Variants in RABGAP1L observed in about 807,000 individuals in gnomAD.
RABGAP1L encodes rab GTPase-activating protein 1-like.
A neutral mutation model predicts 137.7 loss-of-function variants in RABGAP1L; 63 were observed. The observed-to-expected ratio is 0.46, with a 90% CI of 0.37 to 0.56. RABGAP1L has a LOEUF of 0.56. Among genes scored for constraint, RABGAP1L ranks in the 20% least tolerant of loss-of-function variants. The probability of loss-of-function intolerance (pLI) is 0.00; values close to 1 mark genes in which losing one functional copy is unlikely to be tolerated. For missense variants in RABGAP1L, 1,095 were observed against 1,244.0 expected, an observed-to-expected ratio of 0.88 and a Z score of 1.80; for synonymous variants, 431 against 433.7, an observed-to-expected ratio of 0.99 and a Z score of 0.08.
intron 13 of RABGAP1L, among the ~76,000 whole-genome samples, chr1:174,431,895 T>C (rs1184226889): frequency 6.6e-6 from 1 of 152,206 alleles, no homozygotes; most frequent in East Asian, 1.9e-4. Flanking sequence ...AGATGCCTAA[T>C]GTAATAGAGT....
chr1:174,673,167 C>A (rs1677314940), intron 14 of RABGAP1L, among the ~76,000 whole-genome samples: 1 of 151,954 alleles, frequency 6.6e-6, no homozygotes, highest in Admixed American at 6.5e-5. Flanking sequence ...TCAAATATAA[C>A]TATATAAATT....
chr1:174,320,818 T>C (rs1487809093), intron 11 of RABGAP1L, among the ~76,000 whole-genome samples: 3 of 152,158 alleles, frequency 2.0e-5, no homozygotes, highest in Admixed American at 2.0e-4. Flanking sequence ...TTGTGTTAAC[T>C]GCACAAACTG....
intron 10 of RABGAP1L, among the ~76,000 whole-genome samples, chr1:174,290,199 T>A (rs71643196): frequency 7.2e-5 from 11 of 152,220 alleles, no homozygotes; most frequent in African/African-American, 2.4e-4. Context: ...CCTGGGCTCC[T>A]TGTCAGGTGA....
At chr1:174,917,021 T>G (rs1573814520) in intron 19 of RABGAP1L, among the ~76,000 whole-genome samples, 1 of 152,218 alleles carries the variant, frequency 6.6e-6, no homozygotes, top group African/African-American at 2.4e-5. Flanking sequence ...TTTCCTGGCT[T>G]GCAGATAGCC....
intron 13 of RABGAP1L, among the ~76,000 whole-genome samples, chr1:174,461,314 G>A (rs1382189466): frequency 6.6e-6 from 1 of 152,130 alleles, no homozygotes; most frequent in Non-Finnish European, 1.5e-5. Context: ...CCCCAGGCCT[G>A]GTATTGATAC....
At chr1:174,877,275 C>A in intron 19 of RABGAP1L, 1 of 744,438 alleles carries the variant, frequency 1.3e-6, no homozygotes, top group Non-Finnish European at 2.2e-6. Context: ...GATAAGAAAC[C>A]TCTTTTAGTT....
At chr1:174,883,609 A>G (rs1190232755) in intron 19 of RABGAP1L, among the ~76,000 whole-genome samples, 1 of 152,200 alleles carries the variant, frequency 6.6e-6, no homozygotes, top group East Asian at 1.9e-4. Flanking sequence ...AACCAATAGA[A>G]GGGAGTATAT....
chr1:174,649,989 T>C (rs1342864030), intron 14 of RABGAP1L, among the ~76,000 whole-genome samples: 1 of 152,164 alleles, frequency 6.6e-6, no homozygotes, highest in South Asian at 2.1e-4. Flanking sequence ...ATAGCTCTTA[T>C]CATTTTGAGA....
At chr1:174,399,919 G>A (rs1003055285) in intron 13 of RABGAP1L, among the ~76,000 whole-genome samples, 1 of 152,158 alleles carries the variant, frequency 6.6e-6, no homozygotes, top group Non-Finnish European at 1.5e-5. Context: ...ATTCAAATGA[G>A]ATTTGGGTAG....
At chr1:174,861,077 T>G (rs1246178614) in intron 19 of RABGAP1L, among the ~76,000 whole-genome samples, 2 of 152,296 alleles carry the variant, frequency 1.3e-5, no homozygotes, top group East Asian at 3.9e-4. Flanking sequence ...ATTTGGGCCC[T>G]TTGAGCAACA....
chr1:174,323,027 T>C (rs1680136571), intron 11 of RABGAP1L, among the ~76,000 whole-genome samples: 1 of 152,098 alleles, frequency 6.6e-6, no homozygotes, highest in Admixed American at 6.6e-5. Context: ...AGAATAAAAT[T>C]GGTAAAATGA....
chr1:174,645,268 G>A (rs1424713247), intron 14 of RABGAP1L, among the ~76,000 whole-genome samples: 2 of 151,838 alleles, frequency 1.3e-5, no homozygotes, highest in Admixed American at 6.6e-5. Flanking sequence ...TTTAAGTTCT[G>A]GGATATGTGT....
In RABGAP1L at chr1:174,891,226, C is replaced by T. The variant is rs59936053; in HGVS notation, c.2341-66231C>T. Among the ~76,000 whole-genome samples the T allele has an allele frequency of 2.3e-3, 353 of 152,142 alleles. 12 individuals are homozygous for T. In the East Asian group the frequency reaches 0.051, roughly 22 times the overall value. On this transcript the variant is annotated intron_variant, in intron 19 of 25. Coordinates refer to ENST00000681986, the MANE Select transcript of RABGAP1L (RefSeq NM_001366446.1). ...AGAAGGAATAGCACTTTGAGAGGCA[C>T]GGGATAGAAAGATGGCACAAGAGGA... is the stretch of plus-strand genomic sequence containing the variant.
In RABGAP1L at chr1:174,630,306, G is replaced by C. The variant is rs528833626; in HGVS notation, c.1711-7069G>C. 1.8e-4 allele frequency among the ~76,000 whole-genome samples: 16 copies of C among 86,998 alleles called. No individual in the cohort carries two copies. In the East Asian group the frequency reaches 3.5e-3, roughly 19 times the overall value. 57.1% of individuals were successfully genotyped at this position (86,998 alleles called of 152,430 possible). A position where few individuals can be genotyped will look rare whatever the true frequency, so the allele number is the denominator to read the frequency against. On this transcript the variant is annotated intron_variant, in intron 13 of 25. Transcript: ENST00000681986. ...GGATTCGGTTTGCCAGTATTTTATT[G>C]AGGATTTTTGCATCAATGTTCATCA...
At chr1:174,297,640 G>C (rs777775662) in intron 10 of RABGAP1L, among the ~76,000 whole-genome samples, 2 of 152,150 alleles carry the variant, frequency 1.3e-5, no homozygotes, top group African/African-American at 4.8e-5. Context: ...AGGGGGTGCT[G>C]TTTTGGGGGA....
At chr1:174,819,229 C>A in intron 19 of RABGAP1L, among the ~76,000 whole-genome samples, 1 of 145,514 alleles carries the variant, frequency 6.9e-6, no homozygotes, top group Non-Finnish European at 1.5e-5. Flanking sequence ...AGTCAGCAAG[C>A]CTGAGAGTAA....
intron 13 of RABGAP1L, among the ~76,000 whole-genome samples, chr1:174,580,665 G>T (rs1668676455): frequency 6.6e-6 from 1 of 152,142 alleles, no homozygotes. Flanking sequence ...AGCATTAGGA[G>T]ATATACCTGA....
intron 19 of RABGAP1L, among the ~76,000 whole-genome samples, chr1:174,878,715 T>A (rs1245505034): frequency 1.3e-5 from 2 of 151,532 alleles, no homozygotes; most frequent in Non-Finnish European, 2.9e-5. Context: ...TTACAAAAAA[T>A]AAAAATAAAA....
chr1:174,419,845 T>C (rs61826868), intron 13 of RABGAP1L, among the ~76,000 whole-genome samples: 13,745 of 152,250 alleles, frequency 0.09, 834 homozygotes, highest in East Asian at 0.22. Flanking sequence ...ATGATTCTTT[T>C]GAATGTTTTT....
Sources: allele counts gnomAD v4.1 joint callset (sites outside exome capture counted in the v4.1 genomes callset), GRCh38; gene constraint gnomAD v4.1.1; transcripts MANE v1.5; gene names NCBI Gene and HGNC (gene_info 2026-07-23, HGNC 2026-07-21).